Variants in CXCL3 observed in about 807,000 individuals in gnomAD.
The protein encoded by CXCL3 is C-X-C motif chemokine 3.
Under a neutral mutation model 11.5 loss-of-function variants are expected in CXCL3, and 10 were observed. That is an observed-to-expected ratio of 0.87 (90% CI 0.54 to 1.48). The LOEUF is 1.48. Among genes scored for constraint, CXCL3 ranks in the 40% most tolerant of loss-of-function variants. The pLI, the probability that CXCL3 is intolerant of heterozygous loss-of-function variation, is 0.00. For missense variants in CXCL3, 149 were observed against 139.1 expected, an observed-to-expected ratio of 1.07 and a Z score of -0.36; for synonymous variants, 61 against 60.9, an observed-to-expected ratio of 1.00 and a Z score of -0.01.
rs374315451 is a variant in CXCL3 at position 74,037,224 on chromosome 4, G to A, written c.*38C>T. 1 of 1,613,698 alleles carries A rather than the reference G, an allele frequency of 6.2e-7. No individual in the cohort carries two copies. The highest frequency in any genetic ancestry group is 1.3e-5 in the African/African-American group (1 of 75,044). ...GGGCAGGGACCACCCTGCAGGAAGT[G>A]TCAATGATACGCTGATAAGCTTCTT... On this transcript the variant is annotated 3_prime_UTR_variant, in exon 4 of 4. Transcript: ENST00000296026.
Position 74,037,171 on chromosome 4 carries a change from TTC to T in CXCL3, c.*89_*90del, listed in dbSNP as rs1720011010. The T allele has an allele frequency of 4.1e-6, 6 of 1,468,308 alleles. No individual in the cohort carries two copies. In the Admixed American group the frequency reaches 1.0e-4, roughly 26 times the overall value. The allele number at this position is 1,468,308 out of a possible 1,614,324, so 91.0% of individuals were successfully genotyped here. On this transcript the variant is annotated 3_prime_UTR_variant, in exon 4 of 4. Transcript: ENST00000296026. ...TCCAGCTGTCCCTAGAAAGCTGCTGTTCTCTTTTTCATTTTCAGCTCTGGTAA... is the reference window on the plus strand; with the variant it reads ...TCCAGCTGTCCCTAGAAAGCTGCTGTTCTTTTTCATTTTCAGCTCTGGTAA...
At position 74,036,636 on chromosome 4, in the gene CXCL3, C is replaced by T. The variant is rs1421230792; in HGVS notation, c.*626G>A. ...TATCATGTCATTTGTACAAATGTAA[C>T]AGTAATGATAAATTCTCTTTTCCAA... On this transcript the variant is annotated 3_prime_UTR_variant, in exon 4 of 4. Coordinates refer to ENST00000296026, the MANE Select transcript of CXCL3 (RefSeq NM_002090.3). The T allele has an allele frequency of 6.6e-6, 1 of 151,866 alleles. No individual in the cohort carries two copies. The highest frequency in any genetic ancestry group is 1.5e-5 in the Non-Finnish European group (1 of 67,966). 9.4% of individuals were successfully genotyped at this position (151,866 alleles called of 1,614,324 possible). A position where few individuals can be genotyped will look rare whatever the true frequency, so the allele number is the denominator to read the frequency against.
rs996917142 is a variant in CXCL3, at chr4:74,036,594, T to C, written c.*668A>G. ...TTTGAAAAACCACATAAGCCTTTTTTTTCATAAAACTTTTATTATCATGTC... is the reference window on the plus strand; with the variant it reads ...TTTGAAAAACCACATAAGCCTTTTTCTTCATAAAACTTTTATTATCATGTC... On this transcript the variant is annotated 3_prime_UTR_variant, in exon 4 of 4. Transcript: ENST00000296026. The C allele has an allele frequency of 6.6e-6, 1 of 152,202 alleles. No individual in the cohort carries two copies. Among genetic ancestry groups the C allele is most frequent in the African/African-American group, 2.4e-5 (1 of 41,440 alleles). 9.4% of individuals were successfully genotyped at this position (152,202 alleles called of 1,614,324 possible). A position where few individuals can be genotyped will look rare whatever the true frequency, so the allele number is the denominator to read the frequency against.
rs747836142 is a variant in CXCL3, at chr4:74,038,426, A to G, written c.101-13T>C. ...ACCACGGACGCTCCTAGGGAAGAAT[A>G]GACTCGCTGATTGAGCGGGGCTGTC... On this transcript the variant is annotated splice_polypyrimidine_tract_variant and intron_variant, in intron 1 of 3. Coordinates refer to ENST00000296026, the MANE Select transcript of CXCL3 (RefSeq NM_002090.3). The G allele has an allele frequency of 6.2e-7, 1 of 1,608,896 alleles. No individual in the cohort carries two copies. The highest frequency in any genetic ancestry group is 8.5e-7 in the Non-Finnish European group (1 of 1,177,992).
rs561019043 is a variant in CXCL3 at position 74,038,280 on chromosome 4, C to A, written c.224+10G>T. 48 of 1,613,834 alleles carry A rather than the reference C, an allele frequency of 3.0e-5. No homozygotes were observed. The highest frequency in any genetic ancestry group is 4.1e-5 in the Non-Finnish European group (48 of 1,179,858). ...CAGCGGTGGCAGCGGAAGCGCGGGG[C>A]GGGACTTACATGACTTCGGTTTGGG... is the stretch of plus-strand genomic sequence containing the variant. On this transcript the variant is annotated intron_variant, in intron 2 of 3. Transcript: ENST00000296026.
intron 2 of CXCL3, 47 bp from the exon 3 acceptor site, chr4:74,038,223 C>T: frequency 1.2e-6 from 2 of 1,613,884 alleles, no homozygotes; most frequent in Non-Finnish European, 8.5e-7. Context: ...GGGCTGGGGA[C>T]AGGGTTGGGG....
At position 74,038,505 on chromosome 4, in the gene CXCL3, G is replaced by T. The variant is rs773370929; in HGVS notation, c.100+7C>A. 11 of 1,530,344 alleles carry T rather than the reference G, an allele frequency of 7.2e-6. No individual in the cohort carries two copies. Among genetic ancestry groups the T allele is most frequent in the Non-Finnish European group, 9.6e-6 (11 of 1,142,812 alleles). 94.8% of individuals were successfully genotyped at this position (1,530,344 alleles called of 1,614,324 possible). ...CGGCCCGGGGACCCCAGGGCGCCGG[G>T]ACCCACCTGCTGCGCGCCGGCTGGC... On this transcript the variant is annotated splice_region_variant and intron_variant, in intron 1 of 3. Coordinates refer to ENST00000296026, the MANE Select transcript of CXCL3 (RefSeq NM_002090.3).
At chr4:74,037,435 G>T in intron 3 of CXCL3, 158 bp from the exon 4 acceptor site, 1 of 522,484 alleles carries the variant, frequency 1.9e-6, no homozygotes, top group Non-Finnish European at 3.2e-6. Flanking sequence ...CAGAAAACTT[G>T]CACTCCTGAA....
At position 74,038,137 on chromosome 4, in the gene CXCL3, G is replaced by A; in HGVS notation, c.264C>T (p.Pro88=). The A allele has an allele frequency of 6.2e-7, 1 of 1,614,086 alleles. No homozygotes were observed. The highest frequency in any genetic ancestry group is 8.5e-7 in the Non-Finnish European group (1 of 1,179,994). Residue 88 remains proline, a synonymous_variant, in exon 3 of 4, where the codon CCC becomes CCT. Transcript: ENST00000296026. ...LKNGKKACLN[P]ASPMVQKIIE... ...TGATTTTCTGAACCATGGGGGATGCGGGGTTGAGACAAGCTTTCTTCCCAT... is the reference window on the plus strand; with the variant it reads ...TGATTTTCTGAACCATGGGGGATGCAGGGTTGAGACAAGCTTTCTTCCCAT...
At position 74,038,425 on chromosome 4, in the gene CXCL3, T is replaced by C. The variant is rs202159176; in HGVS notation, c.101-12A>G. 62 of 1,609,080 alleles carry C rather than the reference T, an allele frequency of 3.9e-5. No homozygotes were observed. The highest frequency in any genetic ancestry group is 2.3e-4 in the African/African-American group (17 of 74,502). Reference sequence around the variant, plus strand: ...GACCACGGACGCTCCTAGGGAAGAATAGACTCGCTGATTGAGCGGGGCTGT... The same window carrying C: ...GACCACGGACGCTCCTAGGGAAGAACAGACTCGCTGATTGAGCGGGGCTGT... On this transcript the variant is annotated splice_polypyrimidine_tract_variant and intron_variant, in intron 1 of 3. Coordinates refer to ENST00000296026, the MANE Select transcript of CXCL3 (RefSeq NM_002090.3).
rs979730387 is a variant in CXCL3, at chr4:74,037,036, A to G, written c.*226T>C. The G allele has an allele frequency of 2.0e-5, 10 of 493,778 alleles. No individual in the cohort carries two copies. The Admixed American group carries it at 3.4e-4, about 17-fold the overall frequency. 30.6% of individuals were successfully genotyped at this position (493,778 alleles called of 1,614,324 possible). A position where few individuals can be genotyped will look rare whatever the true frequency, so the allele number is the denominator to read the frequency against. The stretch of plus-strand genomic sequence containing the variant: ...GACTGAGCTATGTTTGATGAAACAC[A>G]CTCACATCTTTAAATAACAGCATGT... On this transcript the variant is annotated 3_prime_UTR_variant, in exon 4 of 4. Coordinates refer to ENST00000296026, the MANE Select transcript of CXCL3 (RefSeq NM_002090.3).
At position 74,037,268 on chromosome 4, in the gene CXCL3, G is replaced by T. The variant is rs1720014142; in HGVS notation, c.318C>A (p.Thr106=). Residue 106 remains threonine (T), a synonymous_variant, in exon 4 of 4, where the codon ACC becomes ACA. Coordinates refer to ENST00000296026, the MANE Select transcript of CXCL3 (RefSeq NM_002090.3). ...IIEKILNKGS[T]N is the part of the protein sequence containing the mutation. ...GCTTCTTACTTCTCTCCTGTCAGTT[G>T]GTGCTCCCCCTGTGATGAGAAAAGG... 6.2e-7 allele frequency: 1 copy of T among 1,613,864 alleles called. No homozygotes were observed. The highest frequency in any genetic ancestry group is 8.5e-7 in the Non-Finnish European group (1 of 1,179,974).
At chr4:74,038,051 C>A in intron 3 of CXCL3, 42 bp downstream of exon 3, 1 of 1,604,850 alleles carries the variant, frequency 6.2e-7, no homozygotes, top group African/African-American at 1.3e-5. Context: ...TATTTCTGAC[C>A]AACGGCTCCA....
rs375665200 is a variant in CXCL3, at chr4:74,038,471, A to G, written c.100+41T>C. On this transcript the variant is annotated intron_variant, in intron 1 of 3. Coordinates refer to ENST00000296026, the MANE Select transcript of CXCL3 (RefSeq NM_002090.3). ...GCTGTCGGCGCGGGGCGCCCACCCC[A>G]GCCGCGTCCGGCCCGGGGACCCCAG... 3.6e-5 allele frequency: 57 copies of G among 1,580,044 alleles called. 1 individual carries two copies. The Middle Eastern group carries it at 8.9e-4, about 25-fold the overall frequency.
Position 74,038,642 on chromosome 4 carries a change from C to G in CXCL3, c.-31G>C, listed in dbSNP as rs944350119. ...TCAGCAGACGCGTCGGGAAGCTGTG[C>G]GAGAAGCGGGAGAGCTGGCGGGGAG... is the stretch of plus-strand genomic sequence containing the variant. On this transcript the variant is annotated 5_prime_UTR_variant, in exon 1 of 4. Coordinates refer to ENST00000296026, the MANE Select transcript of CXCL3 (RefSeq NM_002090.3). 1.5e-5 allele frequency: 21 copies of G among 1,405,338 alleles called. No individual in the cohort carries two copies. The highest frequency in any genetic ancestry group is 1.9e-5 in the Non-Finnish European group (21 of 1,087,140). The allele number at this position is 1,405,338 out of a possible 1,614,324, so 87.1% of individuals were successfully genotyped here.
chr4:74,037,244 C>G lies in CXCL3; in HGVS notation c.*18G>C, dbSNP rs200741239. On this transcript the variant is annotated 3_prime_UTR_variant, in exon 4 of 4. Coordinates refer to ENST00000296026, the MANE Select transcript of CXCL3 (RefSeq NM_002090.3). ...GAAGTGTCAATGATACGCTGATAAG[C>G]TTCTTACTTCTCTCCTGTCAGTTGG... The G allele has an allele frequency of 6.8e-6, 11 of 1,613,928 alleles. No individual in the cohort carries two copies. The highest frequency in any genetic ancestry group is 9.3e-6 in the Non-Finnish European group (11 of 1,179,964).
Position 74,036,651 on chromosome 4 carries a change from C to A in CXCL3, c.*611G>T, listed in dbSNP as rs201853929. 1 of 152,192 alleles carries A rather than the reference C, an allele frequency of 6.6e-6. No individual in the cohort carries two copies. Among genetic ancestry groups the A allele is most frequent in the African/African-American group, 2.4e-5 (1 of 41,522 alleles). 9.4% of individuals were successfully genotyped at this position (152,192 alleles called of 1,614,324 possible). A position where few individuals can be genotyped will look rare whatever the true frequency, so the allele number is the denominator to read the frequency against. On this transcript the variant is annotated 3_prime_UTR_variant, in exon 4 of 4. Coordinates refer to ENST00000296026, the MANE Select transcript of CXCL3 (RefSeq NM_002090.3). Reference sequence around the variant, plus strand: ...ACAAATGTAACAGTAATGATAAATTCTCTTTTCCAAGGGAAAGAGAAACGC... The same window carrying A: ...ACAAATGTAACAGTAATGATAAATTATCTTTTCCAAGGGAAAGAGAAACGC...
rs1720004533 is a variant in CXCL3, at chr4:74,036,916, G to A, written c.*346C>T. On this transcript the variant is annotated 3_prime_UTR_variant, in exon 4 of 4. Coordinates refer to ENST00000296026, the MANE Select transcript of CXCL3 (RefSeq NM_002090.3). ...CCCCCACCCTCCAGTTCCCCACCCT[G>A]TCATTTATCAAGGTGGCTGACACAT... The A allele has an allele frequency of 4.9e-6, 1 of 203,568 alleles. No homozygotes were observed. The highest frequency in any genetic ancestry group is 5.3e-5 in the Admixed American group (1 of 18,692). 12.6% of individuals were successfully genotyped at this position (203,568 alleles called of 1,614,324 possible). A position where few individuals can be genotyped will look rare whatever the true frequency, so the allele number is the denominator to read the frequency against.
intron 3 of CXCL3, 150 bp from the exon 4 acceptor site, chr4:74,037,427 G>T (rs1165427231): frequency 3.0e-4 from 155 of 524,046 alleles, no homozygotes; most frequent in Non-Finnish European, 3.5e-4. Context: ...TTCTATAGCA[G>T]AAAACTTGCA....
Sources: allele counts gnomAD v4.1 joint callset, GRCh38; gene constraint gnomAD v4.1.1; transcripts MANE v1.5; gene names NCBI Gene and HGNC (gene_info 2026-07-23, HGNC 2026-07-21).